The following SUGCT variants were observed in gnomAD, a reference collection of about 807,000 sequenced individuals.
SUGCT encodes the protein succinyl-CoA:glutarate-CoA transferase.
Under a neutral mutation model 55.0 loss-of-function variants are expected in SUGCT, and 41 were observed. The observed-to-expected ratio is 0.74, with a 90% CI of 0.58 to 0.97. The LOEUF (loss-of-function observed/expected upper bound fraction) is 0.97. Among genes scored for constraint, SUGCT ranks in the 50% least tolerant of loss-of-function variants. The probability of loss-of-function intolerance (pLI) is 0.00; values close to 1 mark genes in which losing one functional copy is unlikely to be tolerated. For synonymous variants in SUGCT, 187 were observed against 200.4 expected (o/e 0.93, Z 0.56); for missense variants, 568 against 547.8 (o/e 1.04, Z -0.37).
intron 11 of SUGCT, among the ~76,000 whole-genome samples, chr7:40,460,945 C>G (rs1335822933): frequency 6.6e-6 from 1 of 152,170 alleles, no homozygotes; most frequent in East Asian, 1.9e-4. Context: ...ATAAGGAGGT[C>G]ACATCATCAT....
At chr7:40,256,021 C>T (rs1342162424) in intron 7 of SUGCT, among the ~76,000 whole-genome samples, 1 of 152,180 alleles carries the variant, frequency 6.6e-6, no homozygotes, top group Non-Finnish European at 1.5e-5. Context: ...CTCCACCACT[C>T]TCCTTGACAG....
At chr7:40,917,080 C>A in the SUGCT span, among the ~76,000 whole-genome samples, 1 of 152,208 alleles carries the variant, frequency 6.6e-6, no homozygotes, top group South Asian at 2.1e-4. Flanking sequence ...ATTCAACAGA[C>A]CCAGTGAGGG....
chr7:40,546,911 C>T (rs1028173623), intron 12 of SUGCT: 2 of 152,218 alleles, frequency 1.3e-5, no homozygotes, highest in Admixed American at 1.3e-4. Flanking sequence ...TAAGATTAAC[C>T]TTCTTCAAGC....
intron 9 of SUGCT, among the ~76,000 whole-genome samples, chr7:40,414,584 A>G (rs1259970654): frequency 6.6e-6 from 1 of 152,030 alleles, no homozygotes; most frequent in Non-Finnish European, 1.5e-5. Context: ...ATTTTCTATA[A>G]TAATGGGTAT....
At chr7:40,620,158 C>T (rs1799195481) in intron 12 of SUGCT, among the ~76,000 whole-genome samples, 1 of 152,146 alleles carries the variant, frequency 6.6e-6, no homozygotes, top group South Asian at 2.1e-4. Context: ...TGTACCTTAC[C>T]TGACAATTGT....
At chr7:40,177,286 G>A (rs1251209603) in intron 1 of SUGCT, among the ~76,000 whole-genome samples, 1 of 152,034 alleles carries the variant, frequency 6.6e-6, no homozygotes, top group Non-Finnish European at 1.5e-5. Context: ...TATTCAGATC[G>A]TGTTCTGATA....
At chr7:41,035,954 G>A in the SUGCT span, among the ~76,000 whole-genome samples, 1 of 152,206 alleles carries the variant, frequency 6.6e-6, no homozygotes, top group Admixed American at 6.5e-5. Context: ...CTCAGGGGGA[G>A]CAGCCCCATG....
At position 40,150,478 on chromosome 7, in the gene SUGCT, G is replaced by A. The variant is rs188834872; in HGVS notation, c.100+15358G>A. ...GAGGCCAGGAGTTTAAGACCAGCCT[G>A]GCCAACATAGTGAAACCACATCTCT... On this transcript the variant is annotated intron_variant, in intron 1 of 13. Coordinates refer to ENST00000335693, the MANE Select transcript of SUGCT (RefSeq NM_001193313.2). 1.1e-4 allele frequency among the ~76,000 whole-genome samples: 16 copies of A among 152,254 alleles called. 1 individual carries two copies. The highest frequency in any genetic ancestry group is 5.2e-4 in the Admixed American group (8 of 15,290).
chr7:40,942,767 CTT>C, the SUGCT span, among the ~76,000 whole-genome samples: 8 of 149,276 alleles, frequency 5.4e-5, no homozygotes, highest in Admixed American at 3.3e-4. Flanking sequence ...AATTCTCTGT[CTT>C]TTTTTTTTGT....
At chr7:40,849,733 C>T (rs544775326) in intron 13 of SUGCT, among the ~76,000 whole-genome samples, 86 of 151,664 alleles carry the variant, frequency 5.7e-4, no homozygotes, top group Non-Finnish European at 1.0e-3. Flanking sequence ...GACCGTGTTA[C>T]GGAGGGATCT....
intron 11 of SUGCT, among the ~76,000 whole-genome samples, chr7:40,467,089 C>T (rs1424598126): frequency 6.7e-6 from 1 of 149,854 alleles, no homozygotes; most frequent in Non-Finnish European, 1.5e-5. Context: ...GTAGTCCCAA[C>T]AACTTGGGAG....
intron 9 of SUGCT, among the ~76,000 whole-genome samples, chr7:40,357,737 C>G (rs1227146229): frequency 6.6e-6 from 1 of 150,886 alleles, no homozygotes; most frequent in African/African-American, 2.4e-5. Context: ...TTTCTTTTTT[C>G]TTTTCTTTTT....
intron 6 of SUGCT, among the ~76,000 whole-genome samples, chr7:40,209,489 A>G (rs1427282581): frequency 1.4e-5 from 2 of 144,894 alleles, no homozygotes; most frequent in Non-Finnish European, 3.0e-5. Context: ...GAGCAAGACT[A>G]CGTCTCAAAC....
At chr7:40,173,699 C>T (rs995462789) in intron 1 of SUGCT, among the ~76,000 whole-genome samples, 12 of 152,036 alleles carry the variant, frequency 7.9e-5, no homozygotes, top group African/African-American at 2.4e-4. Context: ...TGGGTGTGGT[C>T]ACCTTCCCAG....
intron 12 of SUGCT, among the ~76,000 whole-genome samples, chr7:40,647,873 T>C (rs1800600997): frequency 6.6e-6 from 1 of 151,682 alleles, no homozygotes; most frequent in Non-Finnish European, 1.5e-5. Flanking sequence ...AGCCACCAAG[T>C]AGGAGATCCT....
chr7:40,420,700 G>T (rs560555752), intron 9 of SUGCT, among the ~76,000 whole-genome samples: 18 of 152,114 alleles, frequency 1.2e-4, no homozygotes, highest in Non-Finnish European at 1.9e-4. Context: ...CTGGCTCTTT[G>T]TGCTGCTGTG....
chr7:40,690,831 G>T (rs1784663933), intron 12 of SUGCT, among the ~76,000 whole-genome samples: 1 of 152,042 alleles, frequency 6.6e-6, no homozygotes, highest in Non-Finnish European at 1.5e-5. Context: ...ACACTCCTCA[G>T]CCTCCCAAAG....
intron 9 of SUGCT, among the ~76,000 whole-genome samples, chr7:40,402,102 C>G (rs1786102267): frequency 6.6e-6 from 1 of 151,904 alleles, no homozygotes; most frequent in Admixed American, 6.6e-5. Context: ...GTCTTTACCC[C>G]TTATATACAC....
rs1386351295 is a variant in SUGCT, at chr7:40,470,117, G to A, written c.986+10919G>A. Among the ~76,000 whole-genome samples, 4 of 152,092 alleles carry A rather than the reference G, an allele frequency of 2.6e-5. No individual in the cohort carries two copies. The East Asian group carries it at 7.7e-4, about 29-fold the overall frequency. On this transcript the variant is annotated intron_variant, in intron 11 of 13. Transcript: ENST00000335693. Reference sequence around the variant, plus strand: ...GGGAGGGGGAAGGTACAGCTCTCCAGACTTTTCTGGCTGACCTTATTTCGC... The same window carrying A: ...GGGAGGGGGAAGGTACAGCTCTCCAAACTTTTCTGGCTGACCTTATTTCGC...
Sources: allele counts gnomAD v4.1 joint callset (sites outside exome capture counted in the v4.1 genomes callset), GRCh38; gene constraint gnomAD v4.1.1; transcripts MANE v1.5; gene names NCBI Gene and HGNC (gene_info 2026-07-23, HGNC 2026-07-21).